The following RAD54B variants were observed in gnomAD, a reference collection of about 807,000 sequenced individuals.
RAD54B encodes RAD54 homolog B, also known as DNA repair and recombination protein RAD54B.
A neutral mutation model predicts 95.8 loss-of-function variants in RAD54B; 78 were observed. The ratio of observed to expected loss-of-function variants is 0.81; its 90% CI spans 0.68 to 0.98. RAD54B has a LOEUF of 0.98. Ranked by LOEUF, RAD54B falls within the 50% of genes least tolerant of loss-of-function variation. The probability of loss-of-function intolerance (pLI) is 0.00; values close to 1 mark genes in which losing one functional copy is unlikely to be tolerated. For missense variants in RAD54B, 957 were observed against 1,056.6 expected (o/e 0.91, Z 1.31); for synonymous variants, 328 against 354.9 (o/e 0.92, Z 0.85).
At chr8:94,439,877 T>C (rs1294236526) in intron 3 of RAD54B, among the ~76,000 whole-genome samples, 2 of 152,162 alleles carry the variant, frequency 1.3e-5, no homozygotes, top group Non-Finnish European at 2.9e-5. Context: ...AGGTTGTATA[T>C]TGTTTATTAT....
At chr8:94,399,278 G>C in intron 8 of RAD54B, 136 bp downstream of exon 8, 1 of 687,912 alleles carries the variant, frequency 1.5e-6, no homozygotes, top group Non-Finnish European at 2.4e-6. Flanking sequence ...ATCCTACCAA[G>C]AGTTAATTAA....
At chr8:94,412,875 G>A (rs779003819) in intron 3 of RAD54B, among the ~76,000 whole-genome samples, 1 of 152,076 alleles carries the variant, frequency 6.6e-6, no homozygotes, top group South Asian at 2.1e-4. Context: ...GTCACAAGAT[G>A]CAAGGTTCAT....
chr8:94,429,387 C>A, intron 3 of RAD54B: 1 of 751,080 alleles, frequency 1.3e-6, no homozygotes. Context: ...AAGATGTATA[C>A]TGCACTTTTT....
intron 3 of RAD54B, among the ~76,000 whole-genome samples, chr8:94,422,501 C>G (rs575903241): frequency 1.3e-4 from 18 of 142,100 alleles, no homozygotes; most frequent in African/African-American, 4.4e-4. Context: ...ACAGGAGAAT[C>G]GCTTGAATCC....
intron 2 of RAD54B, among the ~76,000 whole-genome samples, chr8:94,460,554 C>G (rs936126220): frequency 6.6e-6 from 1 of 152,186 alleles, no homozygotes; most frequent in Non-Finnish European, 1.5e-5. Flanking sequence ...TCATTATGTG[C>G]TATTTTCTCT....
chr8:94,424,088 C>T (rs572794413), intron 3 of RAD54B, among the ~76,000 whole-genome samples: 13 of 152,244 alleles, frequency 8.5e-5, no homozygotes, highest in African/African-American at 3.1e-4. Context: ...CCAGAAAAAA[C>T]AATGAACAAG....
chr8:94,437,434 G>A (rs962638571), intron 3 of RAD54B, among the ~76,000 whole-genome samples: 18 of 152,108 alleles, frequency 1.2e-4, no homozygotes, highest in Non-Finnish European at 2.2e-4. Context: ...CATAATGCTG[G>A]ATCTGCTGTC....
intron 2 of RAD54B, among the ~76,000 whole-genome samples, chr8:94,463,813 A>T (rs1812958495): frequency 6.8e-6 from 1 of 146,884 alleles, no homozygotes; most frequent in South Asian, 2.3e-4. Flanking sequence ...TACTTAGGAG[A>T]TGGAGGTGGG....
At chr8:94,380,089 A>G in intron 12 of RAD54B, 56 bp downstream of exon 12, 1 of 1,497,946 alleles carries the variant, frequency 6.7e-7, no homozygotes, top group Non-Finnish European at 9.1e-7. Context: ...TATCCTCAAT[A>G]GGCATTGTAT....
intron 3 of RAD54B, among the ~76,000 whole-genome samples, chr8:94,449,609 C>CAA (rs369471365): frequency 4.2e-4 from 28 of 66,612 alleles, no homozygotes; most frequent in Admixed American, 8.3e-4. Context: ...ACTCTGTCTC[C>CAA]AAAAAAAAAA....
chr8:94,418,830 C>G (rs1377809888), intron 3 of RAD54B, among the ~76,000 whole-genome samples: 1 of 152,150 alleles, frequency 6.6e-6, no homozygotes, highest in African/African-American at 2.4e-5. Context: ...TAGTGACAGA[C>G]AGTTGAGTTT....
At chr8:94,381,683 AAT>A (rs1243450740) in intron 11 of RAD54B, among the ~76,000 whole-genome samples, 1 of 152,214 alleles carries the variant, frequency 6.6e-6, no homozygotes, top group Non-Finnish European at 1.5e-5. Flanking sequence ...GCTGGAAGAT[AAT>A]AGTACGAGAG....
intron 3 of RAD54B, among the ~76,000 whole-genome samples, chr8:94,456,012 C>A (rs1812771573): frequency 6.6e-6 from 1 of 152,168 alleles, no homozygotes; most frequent in Admixed American, 6.5e-5. Context: ...TACATTTCCC[C>A]TCTCCCAGAA....
chr8:94,398,822 C>T (rs1811202035), intron 8 of RAD54B, among the ~76,000 whole-genome samples: 1 of 152,056 alleles, frequency 6.6e-6, no homozygotes, highest in Non-Finnish European at 1.5e-5. Context: ...TCGTATTTAC[C>T]ATCCATTCCA....
In RAD54B at chr8:94,461,160, C is replaced by CT. The variant is rs57563259; in HGVS notation, c.136-2725dup. ...TTGTCATGTTATTATAAATACTCAT[C>CT]TTTTTTTTTTTTTTTTTTTTTTTTT... On this transcript the variant is annotated intron_variant, in intron 2 of 14. Coordinates refer to ENST00000336148, the MANE Select transcript of RAD54B (RefSeq NM_012415.3). Among the ~76,000 whole-genome samples, 380 of 59,986 alleles carry CT rather than the reference C, an allele frequency of 6.3e-3. 85 individuals are homozygous for CT. The highest frequency in any genetic ancestry group is 0.018 in the African/African-American group (231 of 12,910). 39.4% of individuals were successfully genotyped at this position (59,986 alleles called of 152,430 possible).
chr8:94,381,750 AAG>A (rs904726094), intron 11 of RAD54B, among the ~76,000 whole-genome samples: 23 of 152,214 alleles, frequency 1.5e-4, no homozygotes, highest in African/African-American at 4.8e-4. Flanking sequence ...AGAGAAAAAA[AAG>A]AATTAGAGAA....
chr8:94,407,649 T>A lies in RAD54B; in HGVS notation c.571A>T (p.Ile191Leu). Residue 191 changes from isoleucine to leucine, a missense_variant, in exon 5 of 15, where the codon ATA (isoleucine) becomes TTA (leucine). By Grantham distance (5) the Ile-to-Leu change is conservative. Transcript: ENST00000336148. ...GQTLMICGKE[I>L]EVMGVISPDD... ...GGAGAGATTACACCCATGACTTCTA[T>A]TTCTTTTCCACAAATCATCAGTGTT... is the stretch of plus-strand genomic sequence containing the variant. 1 of 1,614,044 alleles carries A rather than the reference T, an allele frequency of 6.2e-7. No homozygotes were observed.
intron 3 of RAD54B, among the ~76,000 whole-genome samples, chr8:94,447,850 T>C (rs1334633893): frequency 6.6e-6 from 1 of 152,126 alleles, no homozygotes; most frequent in Non-Finnish European, 1.5e-5. Flanking sequence ...AGATGACAGA[T>C]GGAATAAATA....
At chr8:94,393,961 T>C in intron 8 of RAD54B, 79 bp from the exon 9 acceptor site, 1 of 1,279,452 alleles carries the variant, frequency 7.8e-7, no homozygotes. Context: ...AAAACCACAA[T>C]GGAAGTTTGG....
Sources: gnomAD v4.1 joint callset for allele counts (sites outside exome capture counted in the v4.1 genomes callset) on GRCh38, gnomAD v4.1.1 for gene constraint, MANE v1.5 for transcripts, NCBI Gene and HGNC (gene_info 2026-07-23, HGNC 2026-07-21) for gene names.